GAS7: variants seen among roughly 807,000 people sequenced by gnomAD.
GAS7 encodes growth arrest-specific protein 7.
GAS7 carries 28 observed loss-of-function variants against 71.1 expected under a neutral mutation model. The ratio of observed to expected loss-of-function variants is 0.39; its 90% confidence interval spans 0.29 to 0.54. The LOEUF (loss-of-function observed/expected upper bound fraction) is 0.54, where lower values mean the gene tolerates loss of function less well. Ranked by LOEUF, GAS7 falls within the 20% of genes least tolerant of loss-of-function variation. GAS7 has a pLI of 0.62. For missense variants in GAS7, 436 were observed against 627.8 expected (o/e 0.69, Z 3.27); for synonymous variants, 258 against 245.8 (o/e 1.05, Z -0.46).
intron 2 of GAS7, among the ~76,000 whole-genome samples, chr17:10,016,107 C>T (rs1020515240): frequency 1.3e-5 from 2 of 152,098 alleles, no homozygotes; most frequent in African/African-American, 4.8e-5. Context: ...AAGTTAAGGT[C>T]GGGCACGGTG....
At chr17:9,996,407 A>G (rs1409499450) in intron 2 of GAS7, among the ~76,000 whole-genome samples, 1 of 111,472 alleles carries the variant, frequency 9.0e-6, no homozygotes, top group Non-Finnish European at 1.7e-5. Context: ...AACATCACAC[A>G]CCCGGGCCTG....
At chr17:10,198,128 TC>T in intron 1 of GAS7, 79 bp downstream of exon 1, 1 of 1,385,764 alleles carries the variant, frequency 7.2e-7, no homozygotes, top group Non-Finnish European at 1.0e-6. Context: ...CGCTGCGGCA[TC>T]CCCGGAACGG....
chr17:10,104,669 C>T (rs1447590109), intron 1 of GAS7, among the ~76,000 whole-genome samples: 2 of 152,102 alleles, frequency 1.3e-5, no homozygotes, highest in African/African-American at 4.8e-5. Context: ...TAAATGGTAC[C>T]ACCATCTATC....
intron 1 of GAS7, among the ~76,000 whole-genome samples, chr17:10,090,444 A>G (rs188668533): frequency 5.9e-5 from 9 of 152,308 alleles, no homozygotes; most frequent in Non-Finnish European, 8.8e-5. Context: ...CACAAACTTC[A>G]GAATTAGTAA....
intron 2 of GAS7, among the ~76,000 whole-genome samples, chr17:10,004,467 G>A (rs1390634137): frequency 6.6e-6 from 1 of 151,886 alleles, no homozygotes; most frequent in Admixed American, 6.6e-5. Flanking sequence ...AAAACTTCCC[G>A]CCGCACCACA....
intron 1 of GAS7, among the ~76,000 whole-genome samples, chr17:10,098,585 G>A (rs1008329426): frequency 2.0e-5 from 3 of 152,212 alleles, no homozygotes; most frequent in African/African-American, 7.2e-5. Flanking sequence ...GCTACAATAG[G>A]TATGACAGGA....
chr17:9,934,286 C>A (rs375156617), intron 8 of GAS7, 42 bp from the exon 9 acceptor site: 2 of 1,397,576 alleles, frequency 1.4e-6, no homozygotes, highest in Non-Finnish European at 2.0e-6. Flanking sequence ...CAAGCCAAAG[C>A]CCTTCCTGAG....
intron 1 of GAS7, among the ~76,000 whole-genome samples, chr17:10,157,529 G>A (rs533982118): frequency 5.9e-5 from 9 of 152,202 alleles, no homozygotes; most frequent in Non-Finnish European, 1.3e-4. Context: ...ATGATTAGAA[G>A]ATAAGGCTTT....
chr17:10,063,282 A>G (rs1418896612), intron 1 of GAS7, among the ~76,000 whole-genome samples: 6 of 152,272 alleles, frequency 3.9e-5, no homozygotes, highest in Non-Finnish European at 4.4e-5. Context: ...GTGCGCGCGC[A>G]CGCGTTTGTG....
chr17:9,910,980 G>T lies in GAS7; in HGVS notation c.*6248C>A. ...TACAGAAAACAGATCAAACAAGCAA[G>T]TTTATTTTGTTAGAAAATTCCACTT... On this transcript the variant is annotated 3_prime_UTR_variant, in exon 14 of 14. Coordinates refer to ENST00000432992, the MANE Select transcript of GAS7 (RefSeq NM_201433.2). 1 of 232,582 alleles carries T rather than the reference G, an allele frequency of 4.3e-6. No individual in the cohort carries two copies. Among genetic ancestry groups the T allele is most frequent in the Non-Finnish European group, 8.5e-6 (1 of 117,382 alleles). The allele number at this position is 232,582 out of a possible 1,614,324, so 14.4% of individuals were successfully genotyped here. A position where few individuals can be genotyped will look rare whatever the true frequency, so the allele number is the denominator to read the frequency against.
chr17:9,937,218 G>A (rs1022599501), intron 8 of GAS7, among the ~76,000 whole-genome samples: 13 of 152,218 alleles, frequency 8.5e-5, no homozygotes, highest in African/African-American at 2.4e-4. Flanking sequence ...GTGAGCTTGC[G>A]TTGTGTTTGT....
intron 1 of GAS7, among the ~76,000 whole-genome samples, chr17:10,155,017 T>TC (rs1401370691): frequency 4.2e-5 from 6 of 144,514 alleles, no homozygotes; most frequent in Admixed American, 2.7e-4. Flanking sequence ...AACCAATAAC[T>TC]CTTTTTTTTT....
intron 1 of GAS7, among the ~76,000 whole-genome samples, chr17:10,160,226 A>C (rs1244907736): frequency 6.6e-6 from 1 of 152,130 alleles, no homozygotes; most frequent in African/African-American, 2.4e-5. Flanking sequence ...GTTCTTCTGT[A>C]TGTAGGTTAC....
chr17:9,984,228 C>T (rs1311788447), intron 2 of GAS7, among the ~76,000 whole-genome samples: 1 of 152,098 alleles, frequency 6.6e-6, no homozygotes, highest in Non-Finnish European at 1.5e-5. Context: ...ATCGCACCAC[C>T]CTTCTGGTCC....
intron 5 of GAS7, among the ~76,000 whole-genome samples, chr17:9,951,625 G>A (rs1228505029): frequency 2.0e-5 from 3 of 152,042 alleles, no homozygotes; most frequent in East Asian, 1.9e-4. Flanking sequence ...GCTTGGTGGC[G>A]CATGCCTATA....
At chr17:10,178,800 C>T (rs935544418) in intron 1 of GAS7, among the ~76,000 whole-genome samples, 7 of 144,964 alleles carry the variant, frequency 4.8e-5, no homozygotes, top group Non-Finnish European at 7.4e-5. Flanking sequence ...AGATCTCTGC[C>T]CTCTTCCCTG....
chr17:9,995,560 ACTCATT>A (rs2054123702), intron 2 of GAS7, among the ~76,000 whole-genome samples: 1 of 151,142 alleles, frequency 6.6e-6, no homozygotes, highest in Non-Finnish European at 1.5e-5. Context: ...AAAAAAAGAT[ACTCATT>A]CTCATTCAAA....
At chr17:10,136,040 C>A (rs1201891964) in intron 1 of GAS7, among the ~76,000 whole-genome samples, 1 of 152,160 alleles carries the variant, frequency 6.6e-6, no homozygotes, top group Non-Finnish European at 1.5e-5. Flanking sequence ...CACCAAGGAC[C>A]GTCTGAAGGG....
chr17:10,158,292 C>T (rs1001233556), intron 1 of GAS7, among the ~76,000 whole-genome samples: 24 of 145,308 alleles, frequency 1.7e-4, no homozygotes, highest in African/African-American at 5.6e-4. Flanking sequence ...GGATTACAGG[C>T]GTGAGCCACC....
Sources: gnomAD v4.1 joint callset for allele counts (sites outside exome capture counted in the v4.1 genomes callset) on GRCh38, gnomAD v4.1.1 for gene constraint, MANE v1.5 for transcripts, NCBI Gene and HGNC (gene_info 2026-07-23, HGNC 2026-07-21) for gene names.